DOCK3: variants seen among roughly 807,000 people sequenced by gnomAD.
The protein encoded by DOCK3 is dedicator of cytokinesis protein 3.
A neutral mutation model predicts 265.6 loss-of-function variants in DOCK3; 60 were observed. That is an observed-to-expected ratio of 0.23 (90% CI 0.18 to 0.28). DOCK3 has a LOEUF of 0.28. Ranked by LOEUF, DOCK3 falls within the 10% of genes least tolerant of loss-of-function variation. The pLI, the probability that DOCK3 is intolerant of heterozygous loss-of-function variation, is 1.00. For missense variants in DOCK3, 1,981 were observed against 2,594.3 expected, an observed-to-expected ratio of 0.76 and a Z score of 5.14; for synonymous variants, 881 against 938.0, an observed-to-expected ratio of 0.94 and a Z score of 1.11.
intron 2 of DOCK3, among the ~76,000 whole-genome samples, chr3:50,783,934 C>T (rs1342067020): frequency 1.3e-5 from 2 of 148,616 alleles, no homozygotes; most frequent in African/African-American, 5.0e-5. Context: ...GTGGCATGAT[C>T]TGGGCTCACC....
At chr3:50,741,063 G>C (rs1235292898) in intron 1 of DOCK3, among the ~76,000 whole-genome samples, 1 of 151,526 alleles carries the variant, frequency 6.6e-6, no homozygotes, top group Non-Finnish European at 1.5e-5. Context: ...TGTTTGGCTT[G>C]TTTCACTTAG....
intron 12 of DOCK3, among the ~76,000 whole-genome samples, chr3:51,193,149 T>C (rs2088052453): frequency 1.3e-5 from 2 of 152,166 alleles, no homozygotes; most frequent in African/African-American, 4.8e-5. Context: ...TTTATCAAAT[T>C]TTCTTCTACA....
At chr3:51,344,227 G>A (rs1289846448) in intron 38 of DOCK3, among the ~76,000 whole-genome samples, 5 of 152,156 alleles carry the variant, frequency 3.3e-5, no homozygotes, top group Non-Finnish European at 7.4e-5. Flanking sequence ...CCAGACAGGT[G>A]GCCCATGCTT....
intron 27 of DOCK3, among the ~76,000 whole-genome samples, chr3:51,283,049 G>A (rs2081216791): frequency 6.6e-6 from 1 of 152,218 alleles, no homozygotes; most frequent in Non-Finnish European, 1.5e-5. Context: ...AAATTGTCAA[G>A]GAATGACGTG....
chr3:51,367,350 T>C (rs926638411), intron 49 of DOCK3, among the ~76,000 whole-genome samples: 5 of 152,238 alleles, frequency 3.3e-5, no homozygotes, highest in Non-Finnish European at 5.9e-5. Flanking sequence ...TTGGTAGATC[T>C]TCCTCCATCC....
At chr3:51,106,871 C>A (rs1288123549) in intron 9 of DOCK3, among the ~76,000 whole-genome samples, 1 of 152,234 alleles carries the variant, frequency 6.6e-6, no homozygotes. Context: ...AAGTGTGCTC[C>A]CCACTGCATT....
chr3:51,094,303 C>A (rs2082743059), intron 9 of DOCK3, among the ~76,000 whole-genome samples: 1 of 152,054 alleles, frequency 6.6e-6, no homozygotes, highest in Non-Finnish European at 1.5e-5. Context: ...TGGTCCTGGG[C>A]TTATTTTGGT....
intron 5 of DOCK3, among the ~76,000 whole-genome samples, chr3:50,965,823 G>T (rs945428369): frequency 6.6e-6 from 1 of 151,982 alleles, no homozygotes; most frequent in African/African-American, 2.4e-5. Flanking sequence ...AATTGACAAA[G>T]ATTGTATATA....
chr3:51,336,229 T>C (rs2084859747), intron 35 of DOCK3, among the ~76,000 whole-genome samples: 1 of 152,176 alleles, frequency 6.6e-6, no homozygotes, highest in African/African-American at 2.4e-5. Context: ...TTTATATCAA[T>C]GTCTTTAACT....
In DOCK3 at chr3:51,368,519, C is replaced by G. The variant is rs540183586; in HGVS notation, c.5293+5845C>G. On this transcript the variant is annotated intron_variant, in intron 49 of 52. Coordinates refer to ENST00000266037, the MANE Select transcript of DOCK3 (RefSeq NM_004947.5). ...GTGAGGCTGTGGGAGGGGCATCCGC[C>G]ATTGCTGAGGCTTGAGTAGGTAAAC... is the stretch of plus-strand genomic sequence containing the variant. Among the ~76,000 whole-genome samples, 26 of 152,272 alleles carry G rather than the reference C, an allele frequency of 1.7e-4. 1 individual carries two copies. The South Asian group carries it at 5.2e-3, about 30-fold the overall frequency.
At chr3:51,204,734 C>G (rs1248332018) in intron 12 of DOCK3, among the ~76,000 whole-genome samples, 7 of 151,086 alleles carry the variant, frequency 4.6e-5, no homozygotes, top group Non-Finnish European at 7.4e-5. Flanking sequence ...TATTGCGGCA[C>G]TATTCACAAT....
At chr3:50,860,128 C>G (rs1228456785) in intron 3 of DOCK3, among the ~76,000 whole-genome samples, 1 of 152,132 alleles carries the variant, frequency 6.6e-6, no homozygotes, top group Non-Finnish European at 1.5e-5. Context: ...GGGCCCAAGT[C>G]AGGGGTTCCT....
intron 5 of DOCK3, among the ~76,000 whole-genome samples, chr3:50,979,604 G>A (rs1474670401): frequency 6.6e-6 from 1 of 151,988 alleles, no homozygotes; most frequent in Non-Finnish European, 1.5e-5. Flanking sequence ...TCCCTCACCC[G>A]AAACAGATGC....
At chr3:51,125,431 C>T (rs1375227728) in intron 9 of DOCK3, among the ~76,000 whole-genome samples, 1 of 152,150 alleles carries the variant, frequency 6.6e-6, no homozygotes, top group East Asian at 1.9e-4. Context: ...CTATATTTTT[C>T]TATTTCCTCT....
chr3:51,081,120 A>T (rs1198816380), intron 7 of DOCK3, among the ~76,000 whole-genome samples: 4 of 152,184 alleles, frequency 2.6e-5, no homozygotes, highest in Admixed American at 1.3e-4. Context: ...ATAAGCAAAT[A>T]TAGCTGGTCA....
intron 1 of DOCK3, among the ~76,000 whole-genome samples, chr3:50,687,809 A>G (rs1405183918): frequency 2.0e-5 from 3 of 152,298 alleles, no homozygotes; most frequent in African/African-American, 7.2e-5. Flanking sequence ...AGTTTTCCTG[A>G]TATGTAATCA....
intron 1 of DOCK3, among the ~76,000 whole-genome samples, chr3:50,751,324 A>G (rs2039790544): frequency 6.6e-6 from 1 of 151,630 alleles, no homozygotes; most frequent in Non-Finnish European, 1.5e-5. Context: ...TTGCATAGGT[A>G]TACATGTGCC....
At chr3:50,849,397 C>T (rs765337235) in intron 3 of DOCK3, among the ~76,000 whole-genome samples, 1 of 151,360 alleles carries the variant, frequency 6.6e-6, no homozygotes, top group Non-Finnish European at 1.5e-5. Flanking sequence ...TATACACACA[C>T]ACACACATAC....
At position 51,159,171 on chromosome 3, in the gene DOCK3, C is replaced by G. The variant is rs889927806; in HGVS notation, c.829-73C>G. The G allele has an allele frequency of 5.5e-6, 8 of 1,455,018 alleles. No individual in the cohort carries two copies. The East Asian group carries it at 1.8e-4, about 33-fold the overall frequency. 90.1% of individuals were successfully genotyped at this position (1,455,018 alleles called of 1,614,324 possible). ...TATAACATACAGTAAAAGCAAATGA[C>G]TAGAGATTCAAAATGAATTTTTAAT... On this transcript the variant is annotated intron_variant, in intron 10 of 52. Transcript: ENST00000266037.
Sources: allele counts gnomAD v4.1 joint callset (sites outside exome capture counted in the v4.1 genomes callset), GRCh38; gene constraint gnomAD v4.1.1; transcripts MANE v1.5; gene names NCBI Gene and HGNC (gene_info 2026-07-23, HGNC 2026-07-21).